The following CSMD1 variants were observed in gnomAD, a reference collection of about 807,000 sequenced individuals.
CSMD1 encodes the protein CUB and sushi domain-containing protein 1.
A neutral mutation model predicts 417.5 loss-of-function variants in CSMD1; 213 were observed. The observed-to-expected ratio is 0.51, with a 90% CI of 0.46 to 0.57. The LOEUF (loss-of-function observed/expected upper bound fraction) is 0.57. Ranked by LOEUF, CSMD1 falls within the 20% of genes least tolerant of loss-of-function variation. The probability of loss-of-function intolerance (pLI) is 0.00; values close to 1 mark genes in which losing one functional copy is unlikely to be tolerated. For missense variants in CSMD1, 6,923 were observed against 4,529.7 expected (o/e 1.53, Z -15.17); for synonymous variants, 2,862 against 1,736.8 (o/e 1.65, Z -16.11).
chr8:4,277,905 C>T (rs1191848194), intron 3 of CSMD1, among the ~76,000 whole-genome samples: 3 of 151,890 alleles, frequency 2.0e-5, no homozygotes, highest in African/African-American at 4.8e-5. Flanking sequence ...CCACCACCAT[C>T]CCCGGCTAAT....
intron 3 of CSMD1, among the ~76,000 whole-genome samples, chr8:4,275,523 G>T (rs188601945): frequency 1.3e-5 from 2 of 152,106 alleles, no homozygotes; most frequent in African/African-American, 2.4e-5. Flanking sequence ...TGCTGCTTTT[G>T]TAACTGTTAC....
chr8:3,386,789 A>G (rs1006909633), intron 18 of CSMD1, among the ~76,000 whole-genome samples: 3 of 152,188 alleles, frequency 2.0e-5, no homozygotes, highest in African/African-American at 7.2e-5. Flanking sequence ...CCATAGAAAC[A>G]ATGTTATACT....
chr8:3,169,622 A>C (rs1456277490), intron 37 of CSMD1, among the ~76,000 whole-genome samples: 1 of 152,174 alleles, frequency 6.6e-6, no homozygotes, highest in Non-Finnish European at 1.5e-5. Flanking sequence ...ATACCACTGA[A>C]CTGTACGCTT....
chr8:3,527,441 G>C (rs1286525413), intron 10 of CSMD1, among the ~76,000 whole-genome samples: 2 of 152,160 alleles, frequency 1.3e-5, no homozygotes, highest in Admixed American at 1.3e-4. Context: ...GGTTGCTAAA[G>C]ATTACAGTCT....
chr8:4,752,396 TA>T (rs1223096387), intron 1 of CSMD1, among the ~76,000 whole-genome samples: 1 of 152,198 alleles, frequency 6.6e-6, no homozygotes, highest in African/African-American at 2.4e-5. Context: ...TGAATTTCTG[TA>T]AGGTCATAGG....
At chr8:3,172,028 A>T (rs1177447223) in intron 37 of CSMD1, among the ~76,000 whole-genome samples, 1 of 152,184 alleles carries the variant, frequency 6.6e-6, no homozygotes, top group Non-Finnish European at 1.5e-5. Flanking sequence ...TCACTCAAAA[A>T]CTAAAGGATC....
chr8:4,438,298 A>T (rs1171904284), intron 2 of CSMD1, among the ~76,000 whole-genome samples: 1 of 152,202 alleles, frequency 6.6e-6, no homozygotes, highest in Non-Finnish European at 1.5e-5. Flanking sequence ...CTGAATGCTC[A>T]TGGAGGTGGT....
intron 6 of CSMD1, among the ~76,000 whole-genome samples, chr8:3,719,359 C>A (rs1802016235): frequency 6.6e-6 from 1 of 152,128 alleles, no homozygotes; most frequent in African/African-American, 2.4e-5. Flanking sequence ...GAGCCACAGC[C>A]TCGGATTTTT....
chr8:4,766,302 C>T (rs188789410), intron 1 of CSMD1, among the ~76,000 whole-genome samples: 1 of 152,098 alleles, frequency 6.6e-6, no homozygotes, highest in Admixed American at 6.6e-5. Flanking sequence ...CTTTTTCATT[C>T]GGTGAGCCAA....
chr8:4,506,569 C>A (rs1291229919), intron 2 of CSMD1, among the ~76,000 whole-genome samples: 1 of 152,112 alleles, frequency 6.6e-6, no homozygotes, highest in Non-Finnish European at 1.5e-5. Context: ...CTAAATATTA[C>A]ACGGAGAGGA....
chr8:4,198,076 C>G (rs376608332), intron 3 of CSMD1, among the ~76,000 whole-genome samples: 1 of 152,160 alleles, frequency 6.6e-6, no homozygotes, highest in Non-Finnish European at 1.5e-5. Context: ...AAGCGCAAAG[C>G]GAGGGAAGTC....
intron 3 of CSMD1, among the ~76,000 whole-genome samples, chr8:4,156,914 G>A (rs1416956306): frequency 6.6e-6 from 1 of 152,082 alleles, no homozygotes; most frequent in Non-Finnish European, 1.5e-5. Context: ...TACCTCTCCG[G>A]ACATTTGTGA....
intron 3 of CSMD1, among the ~76,000 whole-genome samples, chr8:4,046,489 G>C (rs1047533741): frequency 3.9e-5 from 6 of 152,162 alleles, no homozygotes; most frequent in Non-Finnish European, 7.3e-5. Flanking sequence ...CTTTCGGAAA[G>C]GATAAAGCAT....
At chr8:4,025,913 A>C (rs1181741964) in intron 4 of CSMD1, among the ~76,000 whole-genome samples, 2 of 152,050 alleles carry the variant, frequency 1.3e-5, no homozygotes, top group Non-Finnish European at 2.9e-5. Context: ...GTCATTATTC[A>C]GGGAAAATAT....
intron 12 of CSMD1, 110 bp from the exon 13 acceptor site, chr8:3,409,715 A>AT: frequency 1.3e-6 from 1 of 790,082 alleles, no homozygotes; most frequent in Non-Finnish European, 2.0e-6. Context: ...ACTAAACATC[A>AT]TTTTTGTAAA....
At chr8:4,663,284 C>A (rs555014453) in intron 1 of CSMD1, among the ~76,000 whole-genome samples, 1 of 152,100 alleles carries the variant, frequency 6.6e-6, no homozygotes, top group Non-Finnish European at 1.5e-5. Context: ...AAGTTAGGGA[C>A]CAGAGCAAAC....
At chr8:4,724,243 T>C (rs1809261270) in intron 1 of CSMD1, among the ~76,000 whole-genome samples, 1 of 152,096 alleles carries the variant, frequency 6.6e-6, no homozygotes, top group African/African-American at 2.4e-5. Flanking sequence ...TTAAGAACAG[T>C]ATTATCAGGC....
chr8:3,498,488 G>A (rs1357886846), intron 10 of CSMD1, among the ~76,000 whole-genome samples: 1 of 152,032 alleles, frequency 6.6e-6, no homozygotes, highest in Non-Finnish European at 1.5e-5. Flanking sequence ...GAGCATCTTT[G>A]GCATTAGATC....
intron 1 of CSMD1, among the ~76,000 whole-genome samples, chr8:4,933,810 G>C (rs1396400177): frequency 1.3e-5 from 2 of 152,186 alleles, no homozygotes; most frequent in African/African-American, 4.8e-5. Context: ...CTAGATGTGA[G>C]CCCGATACAT....
Sources: allele counts gnomAD v4.1 joint callset (sites outside exome capture counted in the v4.1 genomes callset), GRCh38; gene constraint gnomAD v4.1.1; transcripts MANE v1.5; gene names NCBI Gene and HGNC (gene_info 2026-07-23, HGNC 2026-07-21).